UNC5D: variants seen among roughly 807,000 people sequenced by gnomAD.
UNC5D encodes the protein netrin receptor UNC5D.
Under a neutral mutation model 105.4 loss-of-function variants are expected in UNC5D, and 39 were observed. That is an observed-to-expected ratio of 0.37 (90% CI 0.29 to 0.48). The LOEUF (loss-of-function observed/expected upper bound fraction) is 0.48, where lower values mean the gene tolerates loss of function less well. Among genes scored for constraint, UNC5D ranks in the 20% least tolerant of loss-of-function variants. The probability of loss-of-function intolerance (pLI) is 0.98; values close to 1 mark genes in which losing one functional copy is unlikely to be tolerated. For missense variants in UNC5D, 991 were observed against 1,202.4 expected, an observed-to-expected ratio of 0.82 and a Z score of 2.60; for synonymous variants, 452 against 450.4, an observed-to-expected ratio of 1.00 and a Z score of -0.04.
At chr8:35,583,864 C>T (rs1453079354) in intron 3 of UNC5D, among the ~76,000 whole-genome samples, 1 of 152,166 alleles carries the variant, frequency 6.6e-6, no homozygotes, top group African/African-American at 2.4e-5. Flanking sequence ...TTCTATGGAA[C>T]TTGGAGACAA....
intron 4 of UNC5D, among the ~76,000 whole-genome samples, chr8:35,673,376 T>C (rs1196234818): frequency 6.6e-6 from 1 of 152,210 alleles, no homozygotes; most frequent in African/African-American, 2.4e-5. Flanking sequence ...GTTCAGTCCC[T>C]TTGGAGACTT....
At chr8:35,644,449 C>G (rs144883892) in intron 4 of UNC5D, among the ~76,000 whole-genome samples, 3 of 152,270 alleles carry the variant, frequency 2.0e-5, no homozygotes, top group African/African-American at 4.8e-5. Flanking sequence ...TCCCTGTCCT[C>G]TATTCCTCCA....
intron 1 of UNC5D, among the ~76,000 whole-genome samples, chr8:35,347,799 T>A (rs534689257): frequency 6.6e-6 from 1 of 152,106 alleles, no homozygotes; most frequent in South Asian, 2.1e-4. Flanking sequence ...TTTAACTCTG[T>A]TGAACTCTAT....
intron 1 of UNC5D, among the ~76,000 whole-genome samples, chr8:35,545,868 C>T (rs773399709): frequency 8.6e-5 from 13 of 151,420 alleles, no homozygotes; most frequent in Non-Finnish European, 1.8e-4. Flanking sequence ...TTTTCTCATC[C>T]TCTGAACGTT....
At chr8:35,301,963 C>A (rs927173034) in intron 1 of UNC5D, among the ~76,000 whole-genome samples, 4 of 151,924 alleles carry the variant, frequency 2.6e-5, no homozygotes, top group African/African-American at 9.7e-5. Context: ...TCGACACGGA[C>A]AGAGAGAGAG....
At chr8:35,500,908 T>C (rs1811923028) in intron 1 of UNC5D, among the ~76,000 whole-genome samples, 1 of 152,082 alleles carries the variant, frequency 6.6e-6, no homozygotes, top group African/African-American at 2.4e-5. Flanking sequence ...AAAACCTTTC[T>C]AATAGGGGTT....
chr8:35,687,441 C>CAAA (rs34104800), intron 7 of UNC5D, among the ~76,000 whole-genome samples: 79 of 53,010 alleles, frequency 1.5e-3, no homozygotes, highest in African/African-American at 5.1e-3. Context: ...GACTCCGTCT[C>CAAA]AAAAAAAAAA....
chr8:35,320,320 T>C (rs991387504), intron 1 of UNC5D, among the ~76,000 whole-genome samples: 7 of 152,086 alleles, frequency 4.6e-5, no homozygotes, highest in Non-Finnish European at 8.8e-5. Flanking sequence ...AGGGAGTGTC[T>C]GGGTTAAGAT....
chr8:35,598,865 G>A (rs1360839104), intron 4 of UNC5D, among the ~76,000 whole-genome samples: 3 of 152,076 alleles, frequency 2.0e-5, no homozygotes, highest in Admixed American at 1.3e-4. Context: ...GAAGTTGGCC[G>A]GGTGCAATGG....
rs552437295 is a variant in UNC5D, at chr8:35,593,216, T to A, written c.467-2338T>A. ...TTGTCTTTTCACCTGATAACTTAGTTAATGTAGTGGTGTGTAGATAGCCAT... is the reference window on the plus strand; with the variant it reads ...TTGTCTTTTCACCTGATAACTTAGTAAATGTAGTGGTGTGTAGATAGCCAT... On this transcript the variant is annotated intron_variant, in intron 3 of 16. Transcript: ENST00000404895. 2.6e-4 allele frequency among the ~76,000 whole-genome samples: 39 copies of A among 152,328 alleles called. 1 individual carries two copies. Among genetic ancestry groups the A allele is most frequent in the Admixed American group, 5.9e-4 (9 of 15,298 alleles).
chr8:35,284,795 C>T (rs1015763073), intron 1 of UNC5D, among the ~76,000 whole-genome samples: 1 of 152,100 alleles, frequency 6.6e-6, no homozygotes, highest in African/African-American at 2.4e-5. Context: ...ATTTCCTGAC[C>T]TCGTGACCCG....
At chr8:35,612,701 T>C (rs1403201192) in intron 4 of UNC5D, among the ~76,000 whole-genome samples, 1 of 146,708 alleles carries the variant, frequency 6.8e-6, no homozygotes, top group African/African-American at 2.6e-5. Flanking sequence ...TATTTAGTAT[T>C]AGAAACTGCT....
intron 4 of UNC5D, among the ~76,000 whole-genome samples, chr8:35,658,821 A>G (rs1038309636): frequency 6.6e-6 from 1 of 151,716 alleles, no homozygotes; most frequent in African/African-American, 2.4e-5. Flanking sequence ...CCAGCTAATT[A>G]TGGTTTTGTA....
rs1317695276 is a variant in UNC5D at position 35,248,674 on chromosome 8, T to C, written c.103+12787T>C. 1.9e-4 allele frequency among the ~76,000 whole-genome samples: 19 copies of C among 100,524 alleles called. No homozygotes were observed. The Admixed American group carries it at 3.0e-3, about 16-fold the overall frequency. 65.9% of individuals were successfully genotyped at this position (100,524 alleles called of 152,430 possible). A position where few individuals can be genotyped will look rare whatever the true frequency, so the allele number is the denominator to read the frequency against. On this transcript the variant is annotated intron_variant, in intron 1 of 16. Transcript: ENST00000404895. ...TATTTATAAATATAAATATATGTTATATATAATATATATAAAATATATAAA... is the reference window on the plus strand; with the variant it reads ...TATTTATAAATATAAATATATGTTACATATAATATATATAAAATATATAAA...
chr8:35,677,050 T>C (rs886595979), intron 4 of UNC5D, among the ~76,000 whole-genome samples: 2 of 151,032 alleles, frequency 1.3e-5, no homozygotes, highest in African/African-American at 5.0e-5. Flanking sequence ...CTCATGGTAA[T>C]GATAGTCTGA....
At chr8:35,435,478 AG>A (rs1174203848) in intron 1 of UNC5D, among the ~76,000 whole-genome samples, 1 of 152,142 alleles carries the variant, frequency 6.6e-6, no homozygotes, top group Non-Finnish European at 1.5e-5. Context: ...TAGTAATTAC[AG>A]GTAGAATGAC....
At chr8:35,349,603 T>G (rs1812059358) in intron 1 of UNC5D, among the ~76,000 whole-genome samples, 2 of 152,100 alleles carry the variant, frequency 1.3e-5, no homozygotes, top group Admixed American at 1.3e-4. Context: ...TCATTATTTA[T>G]TTTGGAGAAA....
intron 1 of UNC5D, among the ~76,000 whole-genome samples, chr8:35,344,589 C>G (rs1811674146): frequency 6.6e-6 from 1 of 152,000 alleles, no homozygotes; most frequent in African/African-American, 2.4e-5. Flanking sequence ...ACAGTAGGCT[C>G]TTTGTAAACT....
intron 1 of UNC5D, among the ~76,000 whole-genome samples, chr8:35,422,857 G>A (rs764107669): frequency 2.6e-5 from 4 of 152,134 alleles, no homozygotes; most frequent in Non-Finnish European, 4.4e-5. Flanking sequence ...CTCAAAGCCC[G>A]TGCTCCCCCT....
Sources: allele counts gnomAD v4.1 joint callset (sites outside exome capture counted in the v4.1 genomes callset), GRCh38; gene constraint gnomAD v4.1.1; transcripts MANE v1.5; gene names NCBI Gene and HGNC (gene_info 2026-07-23, HGNC 2026-07-21).